The following GTF2F2 variants were observed in gnomAD, a reference collection of about 807,000 sequenced individuals.
GTF2F2 encodes general transcription factor IIF subunit 2, also known as ATP-dependent helicase GTF2F2.
Under a neutral mutation model 42.2 loss-of-function variants are expected in GTF2F2, and 23 were observed. The observed-to-expected ratio is 0.55, with a 90% CI of 0.39 to 0.77. GTF2F2 has a LOEUF of 0.77. Ranked by LOEUF, GTF2F2 falls within the 30% of genes least tolerant of loss-of-function variation. The pLI, the probability that GTF2F2 is intolerant of heterozygous loss-of-function variation, is 0.00. For synonymous variants in GTF2F2, 105 were observed against 100.8 expected (o/e 1.04, Z -0.25); for missense variants, 261 against 287.2 (o/e 0.91, Z 0.66).
At chr13:45,121,892 G>A (rs113987337) in intron 1 of GTF2F2, among the ~76,000 whole-genome samples, 2 of 151,012 alleles carry the variant, frequency 1.3e-5, no homozygotes, top group African/African-American at 2.5e-5. Flanking sequence ...ATGTTACTTG[G>A]GGGGAGAGTC....
intron 4 of GTF2F2, among the ~76,000 whole-genome samples, chr13:45,180,815 G>A (rs80311892): frequency 2.6e-5 from 4 of 152,070 alleles, no homozygotes; most frequent in African/African-American, 9.6e-5. Flanking sequence ...GTATATTTTT[G>A]TATTGGTAAA....
At chr13:45,232,135 C>T (rs1223963918) in intron 5 of GTF2F2, among the ~76,000 whole-genome samples, 1 of 152,162 alleles carries the variant, frequency 6.6e-6, no homozygotes, top group Admixed American at 6.6e-5. Context: ...TTACATATAT[C>T]AGAGTAGCTG....
intron 2 of GTF2F2, among the ~76,000 whole-genome samples, chr13:45,144,599 G>A (rs970761817): frequency 4.0e-5 from 6 of 151,024 alleles, no homozygotes; most frequent in African/African-American, 1.5e-4. Context: ...CCGCCACCAC[G>A]ACTGGCTAAT....
intron 7 of GTF2F2, among the ~76,000 whole-genome samples, chr13:45,283,150 T>C (rs531422124): frequency 6.6e-6 from 1 of 152,306 alleles, no homozygotes; most frequent in Admixed American, 6.5e-5. Context: ...TTTCGTGTAT[T>C]TCATGTAGTG....
At chr13:45,273,276 A>ATGTTGCTTGCTG (rs1002336574) in intron 7 of GTF2F2, among the ~76,000 whole-genome samples, 3 of 151,612 alleles carry the variant, frequency 2.0e-5, no homozygotes, top group African/African-American at 7.3e-5. Context: ...GGATCTTACT[A>ATGTTGCTTGCTG]TGTTGCTTGC....
At chr13:45,269,412 T>G (rs2138266756) in intron 7 of GTF2F2, among the ~76,000 whole-genome samples, 1 of 152,296 alleles carries the variant, frequency 6.6e-6, no homozygotes, top group African/African-American at 2.4e-5. Context: ...CCAGAGGTAG[T>G]TACCTCCTCC....
chr13:45,142,764 C>T (rs149814489), intron 2 of GTF2F2, among the ~76,000 whole-genome samples: 2,817 of 152,252 alleles, frequency 0.019, 32 homozygotes, highest in Middle Eastern at 0.034. Flanking sequence ...TACTAATTTA[C>T]TTAGTTTTCA....
At chr13:45,125,307 TTTTTTGTTTTTG>T (rs767551625) in intron 1 of GTF2F2, among the ~76,000 whole-genome samples, 32 of 152,170 alleles carry the variant, frequency 2.1e-4, no homozygotes, top group African/African-American at 6.3e-4. Flanking sequence ...CTCTCTGTTT[TTTTTTGTTTTTG>T]TTTTTGTTTT....
intron 4 of GTF2F2, among the ~76,000 whole-genome samples, chr13:45,158,652 T>G (rs1316292023): frequency 1.3e-5 from 2 of 152,200 alleles, no homozygotes; most frequent in Non-Finnish European, 2.9e-5. Context: ...CAGCCTTTGT[T>G]GATTCTTCCT....
intron 6 of GTF2F2, among the ~76,000 whole-genome samples, chr13:45,264,791 A>G (rs1478918671): frequency 6.6e-6 from 1 of 152,176 alleles, no homozygotes; most frequent in East Asian, 1.9e-4. Flanking sequence ...TTCTCTCCAC[A>G]GCCAACTAGA....
chr13:45,141,989 A>T (rs557738855), intron 2 of GTF2F2, among the ~76,000 whole-genome samples: 1 of 152,244 alleles, frequency 6.6e-6, no homozygotes, highest in East Asian at 1.9e-4. Flanking sequence ...TGTAGTTCTG[A>T]GGCTTTGGTT....
At chr13:45,189,663 C>T (rs912207787) in intron 4 of GTF2F2, among the ~76,000 whole-genome samples, 1 of 147,026 alleles carries the variant, frequency 6.8e-6, no homozygotes, top group African/African-American at 2.4e-5. Flanking sequence ...TAGGCATGGG[C>T]AAAGGCTGTT....
intron 4 of GTF2F2, among the ~76,000 whole-genome samples, chr13:45,205,114 A>G (rs962977811): frequency 1.4e-4 from 22 of 152,198 alleles, no homozygotes; most frequent in Non-Finnish European, 2.9e-4. Flanking sequence ...AAAGGTAGCT[A>G]TATTAGTCCA....
chr13:45,250,616 A>G (rs1401714309), intron 5 of GTF2F2, among the ~76,000 whole-genome samples: 1 of 152,202 alleles, frequency 6.6e-6, no homozygotes, highest in African/African-American at 2.4e-5. Context: ...TGACAGCAAG[A>G]GGCTCCTTCC....
chr13:45,186,724 C>G (rs1720953422), intron 4 of GTF2F2, among the ~76,000 whole-genome samples: 1 of 152,080 alleles, frequency 6.6e-6, no homozygotes, highest in Admixed American at 6.6e-5. Context: ...TAAATCAAGT[C>G]AAAATTAGTA....
intron 6 of GTF2F2, among the ~76,000 whole-genome samples, chr13:45,264,559 C>T (rs987748011): frequency 3.9e-5 from 6 of 152,216 alleles, no homozygotes; most frequent in Non-Finnish European, 7.3e-5. Flanking sequence ...GCGTGAGCCA[C>T]TGCGCCTGGC....
intron 2 of GTF2F2, among the ~76,000 whole-genome samples, chr13:45,147,654 C>T (rs1416013760): frequency 2.0e-5 from 3 of 152,160 alleles, no homozygotes; most frequent in Non-Finnish European, 4.4e-5. Flanking sequence ...AAGAGACTGA[C>T]ATTGCATTTT....
At chr13:45,183,809 T>G (rs1566126380) in intron 4 of GTF2F2, among the ~76,000 whole-genome samples, 1 of 152,102 alleles carries the variant, frequency 6.6e-6, no homozygotes, top group Non-Finnish European at 1.5e-5. Context: ...ATTTTTATGA[T>G]CTCCTGTGTT....
chr13:45,249,794 G>A (rs1875798780), intron 5 of GTF2F2, among the ~76,000 whole-genome samples: 1 of 151,984 alleles, frequency 6.6e-6, no homozygotes, highest in Admixed American at 6.6e-5. Flanking sequence ...CCAAACCCCT[G>A]AGAGCTGATT....
Sources: gnomAD v4.1 joint callset for allele counts (sites outside exome capture counted in the v4.1 genomes callset) on GRCh38, gnomAD v4.1.1 for gene constraint, MANE v1.5 for transcripts, NCBI Gene and HGNC (gene_info 2026-07-23, HGNC 2026-07-21) for gene names.